Variants in GALNT11 observed in about 807,000 individuals in gnomAD.
GALNT11 encodes the protein UDP-GalNAc:polypeptide N-acetylgalactosaminyltransferase 11.
GALNT11 carries 47 observed loss-of-function variants against 72.7 expected under a neutral mutation model. The observed-to-expected ratio is 0.65, with a 90% confidence interval of 0.51 to 0.82. The LOEUF (loss-of-function observed/expected upper bound fraction) is 0.82. Ranked by LOEUF, GALNT11 falls within the 40% of genes least tolerant of loss-of-function variation. GALNT11 has a pLI of 0.00. For missense variants in GALNT11, 677 were observed against 778.4 expected (o/e 0.87, Z 1.55); for synonymous variants, 270 against 286.6 (o/e 0.94, Z 0.58).
In GALNT11 at chr7:152,120,895, A is replaced by G. The variant is rs146837252; in HGVS notation, c.1622A>G (p.Glu541Gly). The change falls in exon 11 of 12, where the codon GAG becomes GGG. Residue 541 changes from glutamate (E) to glycine (G), a missense_variant. Coordinates refer to ENST00000430044, the MANE Select transcript of GALNT11 (RefSeq NM_022087.4). Reference sequence around the variant, plus strand: ...AGTCTCCTTTGTCTAGATATGTCAGAGACTCGCTCATCAGACCCGCCACGG... The same window carrying G: ...AGTCTCCTTTGTCTAGATATGTCAGGGACTCGCTCATCAGACCCGCCACGG... Reference protein sequence around the residue: ...LNSLLCLDMSETRSSDPPRLM... With the variant: ...LNSLLCLDMSGTRSSDPPRLM... The G allele has an allele frequency of 9.3e-6, 15 of 1,613,626 alleles. No homozygotes were observed. Among genetic ancestry groups the G allele is most frequent in the Non-Finnish European group, 1.1e-5 (13 of 1,179,734 alleles).
chr7:152,048,177 A>T (rs558832671), intron 1 of GALNT11, among the ~76,000 whole-genome samples: 1 of 152,042 alleles, frequency 6.6e-6, no homozygotes. Context: ...TGCGGGATAT[A>T]GTATTCTAAG....
intron 2 of GALNT11, among the ~76,000 whole-genome samples, chr7:152,098,097 G>A (rs967761156): frequency 6.6e-6 from 1 of 152,126 alleles, no homozygotes; most frequent in Non-Finnish European, 1.5e-5. Flanking sequence ...AAAGTATGCA[G>A]ATTTCTGAGT....
chr7:152,082,740 G>C (rs2085393566), intron 1 of GALNT11, among the ~76,000 whole-genome samples: 1 of 152,212 alleles, frequency 6.6e-6, no homozygotes, highest in Non-Finnish European at 1.5e-5. Context: ...GAAAGTTTTT[G>C]AAGAGGAAAC....
chr7:152,087,148 T>G lies in GALNT11; in HGVS notation c.-38-7042T>G, dbSNP rs73161882. On this transcript the variant is annotated intron_variant, in intron 1 of 11. Transcript: ENST00000430044. ...AGCTTACTTCCTGGTATGGGAGAGA[T>G]AAACAATAAATAATAAACTCAGGGA... is the stretch of plus-strand genomic sequence containing the variant. 7.4e-3 allele frequency among the ~76,000 whole-genome samples: 1,132 copies of G among 152,332 alleles called. 4 individuals are homozygous for G. Among genetic ancestry groups the G allele is most frequent in the Non-Finnish European group, 0.013 (907 of 68,030 alleles).
chr7:152,048,275 G>A (rs2083239613), intron 1 of GALNT11, among the ~76,000 whole-genome samples: 1 of 151,780 alleles, frequency 6.6e-6, no homozygotes, highest in Admixed American at 6.6e-5. Flanking sequence ...AGACATATTG[G>A]AGCTCCATTA....
intron 1 of GALNT11, among the ~76,000 whole-genome samples, chr7:152,035,458 G>A (rs552186855): frequency 9.2e-5 from 14 of 152,314 alleles, no homozygotes; most frequent in Non-Finnish European, 1.6e-4. Flanking sequence ...GGCGAGTCTC[G>A]CTTGGGCAAC....
At chr7:152,056,911 C>T (rs1167563565) in intron 1 of GALNT11, among the ~76,000 whole-genome samples, 3 of 151,386 alleles carry the variant, frequency 2.0e-5, no homozygotes, top group African/African-American at 7.3e-5. Context: ...TCACTTGGCT[C>T]ACTGCAGCCT....
intron 8 of GALNT11, chr7:152,116,871 C>G (rs1391973578): frequency 3.6e-6 from 2 of 562,226 alleles, no homozygotes; most frequent in Non-Finnish European, 6.7e-6. Flanking sequence ...GTAGGTTTCT[C>G]TGTTTTAATT....
Position 152,121,687 on chromosome 7 carries a change from T to C in GALNT11, c.*10T>C, listed in dbSNP as rs372604140. On this transcript the variant is annotated 3_prime_UTR_variant, in exon 12 of 12. Coordinates refer to ENST00000430044, the MANE Select transcript of GALNT11 (RefSeq NM_022087.4). Reference sequence around the variant, plus strand: ...GCATTTGGAAGGTTAAGGTGGATGCTGTGGTGGGAACGTTGCTTCATCAGG... The same window carrying C: ...GCATTTGGAAGGTTAAGGTGGATGCCGTGGTGGGAACGTTGCTTCATCAGG... 31 of 1,611,308 alleles carry C rather than the reference T, an allele frequency of 1.9e-5. No individual in the cohort carries two copies. The highest frequency in any genetic ancestry group is 2.6e-5 in the Non-Finnish European group (31 of 1,178,422).
chr7:152,033,499 T>C (rs2082405811), intron 1 of GALNT11, among the ~76,000 whole-genome samples: 1 of 152,184 alleles, frequency 6.6e-6, no homozygotes. Flanking sequence ...CTTTTGGAGC[T>C]TTCTCCTGAT....
chr7:152,063,555 G>C (rs1247359981), intron 1 of GALNT11, among the ~76,000 whole-genome samples: 1 of 152,080 alleles, frequency 6.6e-6, no homozygotes, highest in African/African-American at 2.4e-5. Flanking sequence ...TTGTATGTTA[G>C]GGTGTCAATT....
intron 1 of GALNT11, among the ~76,000 whole-genome samples, chr7:152,058,064 C>A (rs2083785990): frequency 6.6e-6 from 1 of 152,058 alleles, no homozygotes; most frequent in Non-Finnish European, 1.5e-5. Context: ...GGGACTATCA[C>A]AAAGTGAATC....
At position 152,094,591 on chromosome 7, in the gene GALNT11, A is replaced by C. The variant is rs755455441; in HGVS notation, c.295+69A>C. 18 of 1,462,352 alleles carry C rather than the reference A, an allele frequency of 1.2e-5. No homozygotes were observed. Among genetic ancestry groups the C allele is most frequent in the Non-Finnish European group, 1.7e-5 (18 of 1,090,512 alleles). 90.6% of individuals were successfully genotyped at this position (1,462,352 alleles called of 1,614,324 possible). A position where few individuals can be genotyped will look rare whatever the true frequency, so the allele number is the denominator to read the frequency against. On this transcript the variant is annotated intron_variant, in intron 2 of 11. Transcript: ENST00000430044. This position sits in a 1 kb window ranked among gnomAD's most constrained non-coding sequence, Gnocchi z 4.3. ...TCACTGGAAGTTTGATTAATTAGTTAATTAGGAGATCAGAAATGCTGCATC... is the reference window on the plus strand; with the variant it reads ...TCACTGGAAGTTTGATTAATTAGTTCATTAGGAGATCAGAAATGCTGCATC...
intron 1 of GALNT11, among the ~76,000 whole-genome samples, chr7:152,085,060 A>G (rs775860411): frequency 6.6e-6 from 1 of 152,158 alleles, no homozygotes; most frequent in Non-Finnish European, 1.5e-5. Flanking sequence ...CCTCTAATCC[A>G]TAGGCCTATC....
At chr7:152,102,995 AAG>A in intron 3 of GALNT11, 115 bp from the exon 4 acceptor site, 1 of 978,720 alleles carries the variant, frequency 1.0e-6, no homozygotes, top group Non-Finnish European at 1.4e-6. Context: ...AAAAAAAAAA[AAG>A]GCAGGGGGTG....
rs115753283 is a variant in GALNT11 at position 152,068,449 on chromosome 7, C to T, written c.-38-25741C>T. Among the ~76,000 whole-genome samples the T allele has an allele frequency of 7.5e-3, 1,148 of 152,162 alleles. 15 individuals are homozygous for T. The highest frequency in any genetic ancestry group is 0.026 in the African/African-American group (1,095 of 41,496). On this transcript the variant is annotated intron_variant, in intron 1 of 11. Transcript: ENST00000430044. ...TTAGTTGTTTGCTTCCAAGTTTTGA[C>T]GGTTATAAATAAAGCTGCTGTAAGG...
rs571709749 is a variant in GALNT11 at position 152,103,343 on chromosome 7, C to T, written c.586+65C>T. ...TCAGTCACTACAGCACTGACAAACA[C>T]TAACACAGCTGAACTTTCAAGTACG... On this transcript the variant is annotated intron_variant, in intron 4 of 11. Transcript: ENST00000430044. 1.1e-5 allele frequency: 16 copies of T among 1,518,358 alleles called. No individual in the cohort carries two copies. The South Asian group carries it at 1.4e-4, about 13-fold the overall frequency. 94.1% of individuals were successfully genotyped at this position (1,518,358 alleles called of 1,614,324 possible).
At chr7:152,109,267 G>A (rs2087922974) in intron 6 of GALNT11, among the ~76,000 whole-genome samples, 1 of 152,210 alleles carries the variant, frequency 6.6e-6, no homozygotes, top group Non-Finnish European at 1.5e-5. Flanking sequence ...TGAAGAACAT[G>A]TTTACTCAGT....
At chr7:152,042,787 T>C (rs2152010944) in intron 1 of GALNT11, among the ~76,000 whole-genome samples, 1 of 152,328 alleles carries the variant, frequency 6.6e-6, no homozygotes. Context: ...AAGTTATAAT[T>C]GGTTGAATAG....
Sources: gnomAD v4.1 joint callset for allele counts (sites outside exome capture counted in the v4.1 genomes callset) on GRCh38, gnomAD v4.1.1 for gene constraint, Gnocchi (gnomAD v3.1) non-coding constraint, MANE v1.5 for transcripts, NCBI Gene and HGNC (gene_info 2026-07-23, HGNC 2026-07-21) for gene names.